Variants in POR observed in about 807,000 individuals in gnomAD.
The protein encoded by POR is cytochrome p450 oxidoreductase.
POR carries 56 observed loss-of-function variants against 84.0 expected under a neutral mutation model. The ratio of observed to expected loss-of-function variants is 0.67; its 90% CI spans 0.54 to 0.83. The LOEUF is 0.83. Ranked by LOEUF, POR falls within the 40% of genes least tolerant of loss-of-function variation. The pLI is 0.00. For synonymous variants in POR, 414 were observed against 400.5 expected, an observed-to-expected ratio of 1.03 and a Z score of -0.40; for missense variants, 938 against 944.3, an observed-to-expected ratio of 0.99 and a Z score of 0.09.
At chr7:75,981,999 C>A in intron 7 of POR, 1 of 582,676 alleles carries the variant, frequency 1.7e-6, no homozygotes, top group Non-Finnish European at 3.1e-6. Flanking sequence ...CCAGCCCTGC[C>A]CCGGCTTCTG....
chr7:75,960,235 G>A lies in POR; in HGVS notation c.188+6055G>A, dbSNP rs919990865. 5.3e-5 allele frequency among the ~76,000 whole-genome samples: 8 copies of A among 151,992 alleles called. No individual in the cohort carries two copies. The East Asian group carries it at 1.6e-3, about 29-fold the overall frequency. ...GAGCCTGGGATGCCAAGGCTGCCGAGCGCCGAGCTCACACCGCTGCACTCC... is the reference window on the plus strand; with the variant it reads ...GAGCCTGGGATGCCAAGGCTGCCGAACGCCGAGCTCACACCGCTGCACTCC... On this transcript the variant is annotated intron_variant, in intron 2 of 15. Coordinates refer to ENST00000461988, the MANE Select transcript of POR (RefSeq NM_000941.3).
intron 1 of POR, among the ~76,000 whole-genome samples, chr7:75,918,307 GA>G (rs376268688): frequency 1.3e-5 from 2 of 150,984 alleles, no homozygotes; most frequent in African/African-American, 4.9e-5. Context: ...CTCTGTCTCA[GA>G]AAAAAAAACC....
chr7:75,924,746 A>G (rs1024799331), intron 1 of POR, among the ~76,000 whole-genome samples: 1 of 152,130 alleles, frequency 6.6e-6, no homozygotes, highest in African/African-American at 2.4e-5. Flanking sequence ...AAATTCCCCA[A>G]ATAAATAAAT....
chr7:75,960,525 G>T (rs937015082), intron 2 of POR, among the ~76,000 whole-genome samples: 1 of 151,942 alleles, frequency 6.6e-6, no homozygotes, highest in African/African-American at 2.4e-5. Flanking sequence ...GCCCAGGCTG[G>T]GTCTTAACCT....
chr7:75,921,035 C>G (rs961247173), intron 1 of POR: 1 of 152,246 alleles, frequency 6.6e-6, no homozygotes, highest in Non-Finnish European at 1.5e-5. Flanking sequence ...ACACGTTGGA[C>G]GCGTTCCTTA....
intron 3 of POR, among the ~76,000 whole-genome samples, chr7:75,979,120 T>G (rs538058586): frequency 2.6e-5 from 4 of 152,362 alleles, no homozygotes; most frequent in South Asian, 4.1e-4. Context: ...TAAGTATCTA[T>G]GGGAGGTCCT....
chr7:75,972,353 GTGACACCTGTGTCCCA>G, intron 2 of POR, 44 bp from the exon 3 acceptor site: 1 of 1,484,604 alleles, frequency 6.7e-7, no homozygotes, highest in South Asian at 1.2e-5. Context: ...CCCACGTCCC[GTGACACCTGTGTCCCA>G]TGACACCTGC....
intron 1 of POR, among the ~76,000 whole-genome samples, chr7:75,938,845 C>T (rs191009566): frequency 6.6e-6 from 1 of 152,284 alleles, no homozygotes; most frequent in East Asian, 1.9e-4. Flanking sequence ...TACCCCAGAC[C>T]CCGAGTTTCT....
intron 8 of POR, among the ~76,000 whole-genome samples, chr7:75,982,799 G>T (rs558901006): frequency 6.6e-6 from 1 of 152,228 alleles, no homozygotes; most frequent in African/African-American, 2.4e-5. Flanking sequence ...GCCTGCCCCA[G>T]CCTGGCTGGA....
At chr7:75,980,846 G>C (rs1554557673) in intron 5 of POR, 1 of 1,108,566 alleles carries the variant, frequency 9.0e-7, no homozygotes, top group African/African-American at 1.6e-5. Flanking sequence ...GGACGGGGCA[G>C]GCTGTGGGCT....
chr7:75,928,353 G>A (rs557336252), intron 1 of POR, among the ~76,000 whole-genome samples: 2 of 152,308 alleles, frequency 1.3e-5, no homozygotes, highest in South Asian at 4.1e-4. Context: ...CCAGTTCCCT[G>A]TCATCTTGAG....
In POR at chr7:75,954,163, C is replaced by G. The variant is rs927062544; in HGVS notation, c.171C>G (p.Phe57Leu). 23 of 1,610,136 alleles carry G rather than the reference C, an allele frequency of 1.4e-5. No homozygotes were observed. Among genetic ancestry groups the G allele is most frequent in the Non-Finnish European group, 1.9e-5 (22 of 1,178,176 alleles). Residue 57 changes from phenylalanine to leucine, a missense_variant, in exon 2 of 16, where the codon TTC (phenylalanine) becomes TTG (leucine). Phe to Leu is a conservative substitution (Grantham distance 22). Coordinates refer to ENST00000461988, the MANE Select transcript of POR (RefSeq NM_000941.3). ...AGAAAAAAGAAGAAGTCCCCGAGTT[C>G]ACCAAAATTCAGACATTGTAAGTGC...
At chr7:75,959,197 G>T (rs920355508) in intron 2 of POR, among the ~76,000 whole-genome samples, 1 of 152,112 alleles carries the variant, frequency 6.6e-6, no homozygotes, top group East Asian at 1.9e-4. Flanking sequence ...ACGTAGCAAG[G>T]CCCTGTCTCT....
At chr7:75,965,305 A>G (rs530584522) in intron 2 of POR, among the ~76,000 whole-genome samples, 11 of 64,372 alleles carry the variant, frequency 1.7e-4, no homozygotes, top group South Asian at 1.5e-3. Flanking sequence ...TTTTGAAAAC[A>G]TAATTCTGGG....
chr7:75,919,386 T>C (rs563025456), intron 1 of POR, among the ~76,000 whole-genome samples: 8 of 149,304 alleles, frequency 5.4e-5, no homozygotes, highest in East Asian at 3.9e-4. Context: ...TGCGTGCGTG[T>C]GTGTGTGTGT....
chr7:75,957,379 G>C (rs917720), intron 2 of POR, among the ~76,000 whole-genome samples: 6,833 of 152,284 alleles, frequency 0.045, 498 homozygotes, highest in African/African-American at 0.15. Flanking sequence ...ACGGGGCATT[G>C]CTGGTGTGGA....
Position 75,984,805 on chromosome 7 carries a change from G to C in POR, c.1095G>C (p.Pro365=). Residue 365 remains proline (P), a synonymous_variant, in exon 11 of 16, where the codon CCG becomes CCC. Coordinates refer to ENST00000461988, the MANE Select transcript of POR (RefSeq NM_000941.3). The stretch of plus-strand genomic sequence containing the variant: ...AGTCCAACAAGAAGCACCCATTCCC[G>C]TGCCCTACGTCCTACCGCACGGCCC... The C allele has an allele frequency of 6.2e-7, 1 of 1,612,550 alleles. No individual in the cohort carries two copies. Among genetic ancestry groups the C allele is most frequent in the African/African-American group, 1.3e-5 (1 of 75,020 alleles).
At chr7:75,981,406 G>A (rs1394667596) in intron 6 of POR, 111 bp from the exon 7 acceptor site, 4 of 1,250,726 alleles carry the variant, frequency 3.2e-6, no homozygotes, top group Middle Eastern at 4.2e-4. Context: ...GCCCCAGGGT[G>A]CACAGTCCTG....
chr7:75,954,579 G>A (rs1463299663), intron 2 of POR, among the ~76,000 whole-genome samples: 2 of 151,976 alleles, frequency 1.3e-5, no homozygotes, highest in African/African-American at 4.8e-5. Flanking sequence ...TATTGCCCAG[G>A]CTGGAGTGCA....
Sources: allele counts gnomAD v4.1 joint callset (sites outside exome capture counted in the v4.1 genomes callset), GRCh38; gene constraint gnomAD v4.1.1; transcripts MANE v1.5; gene names NCBI Gene and HGNC (gene_info 2026-07-23, HGNC 2026-07-21).